The following NCAM2 variants were observed in gnomAD, a reference collection of about 807,000 sequenced individuals.
The protein encoded by NCAM2 is neural cell adhesion molecule 2, also known as N-CAM-2.
A neutral mutation model predicts 98.1 loss-of-function variants in NCAM2; 30 were observed. The ratio of observed to expected loss-of-function variants is 0.31; its 90% CI spans 0.23 to 0.41. The LOEUF is 0.41. NCAM2 is among the 10% of genes least tolerant of loss of function. The pLI is 1.00. For missense variants in NCAM2, 867 were observed against 1,005.8 expected (o/e 0.86, Z 1.87); for synonymous variants, 368 against 342.4 (o/e 1.07, Z -0.83).
chr21:21,242,847 A>C (rs2147246786), intron 1 of NCAM2, among the ~76,000 whole-genome samples: 1 of 152,268 alleles, frequency 6.6e-6, no homozygotes, highest in African/African-American at 2.4e-5. Context: ...CTTAACATTT[A>C]AGTAGGAGGA....
At chr21:21,515,163 T>G (rs938714540) in intron 16 of NCAM2, among the ~76,000 whole-genome samples, 3 of 152,208 alleles carry the variant, frequency 2.0e-5, no homozygotes, top group African/African-American at 7.2e-5. Flanking sequence ...GTGAGCTTTG[T>G]AAATAATCTA....
chr21:21,253,605 G>A (rs1294785714), intron 1 of NCAM2, among the ~76,000 whole-genome samples: 1 of 152,106 alleles, frequency 6.6e-6, no homozygotes, highest in Non-Finnish European at 1.5e-5. Flanking sequence ...TGACTTGCCA[G>A]CCTTCAAAAT....
At chr21:21,005,208 T>C (rs2064089620) in intron 1 of NCAM2, among the ~76,000 whole-genome samples, 1 of 152,136 alleles carries the variant, frequency 6.6e-6, no homozygotes, top group Non-Finnish European at 1.5e-5. Flanking sequence ...GGTTAAATTT[T>C]GGTTTGTTTT....
intron 1 of NCAM2, among the ~76,000 whole-genome samples, chr21:21,158,775 T>C (rs903602751): frequency 6.6e-6 from 1 of 152,158 alleles, no homozygotes; most frequent in East Asian, 1.9e-4. Context: ...AGCACATATG[T>C]TTATATATAG....
rs73894444 is a variant in NCAM2 at position 21,135,672 on chromosome 21, C to T, written c.55+137054C>T. Among the ~76,000 whole-genome samples the T allele has an allele frequency of 4.3e-3, 660 of 152,254 alleles. 10 individuals are homozygous for T. Among genetic ancestry groups the T allele is most frequent in the African/African-American group, 0.015 (642 of 41,538 alleles). ...GTACTCTCACTATCTCCACTATTTC[C>T]GTGTCCTAACTCACTGTTTTCTGAT... On this transcript the variant is annotated intron_variant, in intron 1 of 17. Coordinates refer to ENST00000400546, the MANE Select transcript of NCAM2 (RefSeq NM_004540.5).
At chr21:21,046,313 AGTT>A (rs746653076) in intron 1 of NCAM2, among the ~76,000 whole-genome samples, 1 of 152,248 alleles carries the variant, frequency 6.6e-6, no homozygotes, top group East Asian at 1.9e-4. Context: ...TTAGCATTTG[AGTT>A]GTTGTTAGAC....
At chr21:21,314,028 AT>A (rs1711398229) in intron 5 of NCAM2, among the ~76,000 whole-genome samples, 2 of 152,062 alleles carry the variant, frequency 1.3e-5, no homozygotes, top group Admixed American at 6.6e-5. Context: ...CCATCAGAGA[AT>A]TTGTTTTATT....
chr21:21,094,190 CT>C (rs1252044297), intron 1 of NCAM2, among the ~76,000 whole-genome samples: 1 of 151,620 alleles, frequency 6.6e-6, no homozygotes, highest in Non-Finnish European at 1.5e-5. Context: ...AAAATCAGAA[CT>C]TGAAAATTAA....
At chr21:21,263,267 A>G (rs2071992870) in intron 1 of NCAM2, among the ~76,000 whole-genome samples, 1 of 152,232 alleles carries the variant, frequency 6.6e-6, no homozygotes, top group South Asian at 2.1e-4. Flanking sequence ...TGCCACAAAA[A>G]ATAAAATAAA....
intron 9 of NCAM2, among the ~76,000 whole-genome samples, chr21:21,374,327 T>TTTAGA (rs1342551097): frequency 6.6e-6 from 1 of 151,902 alleles, no homozygotes; most frequent in African/African-American, 2.4e-5. Context: ...TCGATATCAC[T>TTTAGA]TTAGATTTTT....
chr21:21,497,821 C>T (rs1987351331), intron 15 of NCAM2, among the ~76,000 whole-genome samples: 1 of 152,036 alleles, frequency 6.6e-6, no homozygotes, highest in African/African-American at 2.4e-5. Context: ...TTAAAACGAC[C>T]TTATTGAAAG....
intron 9 of NCAM2, among the ~76,000 whole-genome samples, chr21:21,397,155 G>T (rs1602215965): frequency 1.3e-5 from 2 of 152,158 alleles, no homozygotes; most frequent in African/African-American, 4.8e-5. Context: ...GGTTTTATGG[G>T]CTCAGAGGGA....
intron 1 of NCAM2, among the ~76,000 whole-genome samples, chr21:21,124,087 C>T (rs1338581912): frequency 0.015 from 2 of 130 alleles, no homozygotes; most frequent in African/African-American, 0.037. Context: ...ACCTCATGAT[C>T]CGGCCCACCT....
chr21:21,007,446 A>G (rs1275016377), intron 1 of NCAM2, among the ~76,000 whole-genome samples: 1 of 152,196 alleles, frequency 6.6e-6, no homozygotes, highest in Non-Finnish European at 1.5e-5. Context: ...GCTACTTCAT[A>G]GGCAGAGCAA....
chr21:21,020,882 C>A (rs949512305), intron 1 of NCAM2, among the ~76,000 whole-genome samples: 18 of 152,086 alleles, frequency 1.2e-4, no homozygotes, highest in African/African-American at 4.3e-4. Context: ...TATCTTTATA[C>A]CCTCTGGAAG....
At chr21:21,143,078 G>T (rs2067202447) in intron 1 of NCAM2, among the ~76,000 whole-genome samples, 1 of 152,126 alleles carries the variant, frequency 6.6e-6, no homozygotes, top group African/African-American at 2.4e-5. Context: ...GAAGGGTAAT[G>T]ATTAAGTTAT....
chr21:21,245,877 G>A (rs2071250591), intron 1 of NCAM2, among the ~76,000 whole-genome samples: 1 of 152,042 alleles, frequency 6.6e-6, no homozygotes, highest in East Asian at 1.9e-4. Context: ...GGAAGAGAAG[G>A]AAGGAAGGTA....
rs1011159409 is a variant in NCAM2 at position 21,540,351 on chromosome 21, T to C, written c.*2394T>C. 6 of 151,368 alleles carry C rather than the reference T, an allele frequency of 4.0e-5. No individual in the cohort carries two copies. The highest frequency in any genetic ancestry group is 1.3e-4 in the Admixed American group (2 of 15,088). The allele number at this position is 151,368 out of a possible 1,614,324, so 9.4% of individuals were successfully genotyped here. A position where few individuals can be genotyped will look rare whatever the true frequency, so the allele number is the denominator to read the frequency against. The stretch of plus-strand genomic sequence containing the variant: ...CTCATGTGGAGTAATGATCTGAAAT[T>C]AACAGATAATCTGAAGCTAATTATA... On this transcript the variant is annotated 3_prime_UTR_variant, in exon 18 of 18. Coordinates refer to ENST00000400546, the MANE Select transcript of NCAM2 (RefSeq NM_004540.5).
At chr21:21,338,028 C>T (rs932960372) in intron 7 of NCAM2, among the ~76,000 whole-genome samples, 6 of 151,958 alleles carry the variant, frequency 3.9e-5, no homozygotes, top group Admixed American at 1.3e-4. Flanking sequence ...CATATGCACC[C>T]ATATGCATGT....
Sources: allele counts gnomAD v4.1 joint callset (sites outside exome capture counted in the v4.1 genomes callset), GRCh38; gene constraint gnomAD v4.1.1; transcripts MANE v1.5; gene names NCBI Gene and HGNC (gene_info 2026-07-23, HGNC 2026-07-21).